Variants in MGAT4C observed in about 807,000 individuals in gnomAD.
MGAT4C encodes the protein MGAT4 family member C, also known as alpha-1,3-mannosyl-glycoprotein 4-beta-N-acetylglucosaminyltransferase C.
MGAT4C carries 19 observed loss-of-function variants against 40.1 expected under a neutral mutation model. That is an observed-to-expected ratio of 0.47 (90% CI 0.33 to 0.70). The LOEUF is 0.70. MGAT4C is among the 30% of genes least tolerant of loss of function. MGAT4C has a pLI of 0.02. For synonymous variants in MGAT4C, 181 were observed against 187.1 expected (o/e 0.97, Z 0.27); for missense variants, 491 against 563.2 (o/e 0.87, Z 1.30).
chr12:86,180,743 C>T (rs1174549535), intron 1 of MGAT4C, among the ~76,000 whole-genome samples: 3 of 152,144 alleles, frequency 2.0e-5, no homozygotes, highest in Non-Finnish European at 4.4e-5. Flanking sequence ...ATACCTGTAC[C>T]CCCATTGTAT....
chr12:86,124,507 T>C (rs2135692610), intron 1 of MGAT4C, among the ~76,000 whole-genome samples: 1 of 152,236 alleles, frequency 6.6e-6, no homozygotes, highest in East Asian at 1.9e-4. Context: ...TGTTTGTTGG[T>C]TGGTTTGGTA....
At chr12:86,604,878 C>A (rs1301688048) in intron 2 of MGAT4C, among the ~76,000 whole-genome samples, 1 of 152,088 alleles carries the variant, frequency 6.6e-6, no homozygotes, top group East Asian at 1.9e-4. Flanking sequence ...TCATAAGACT[C>A]TAGGGAGCAT....
At chr12:86,222,811 T>C (rs1163827075) in intron 1 of MGAT4C, among the ~76,000 whole-genome samples, 4 of 152,138 alleles carry the variant, frequency 2.6e-5, no homozygotes, top group African/African-American at 9.7e-5. Context: ...AATGTCAAGA[T>C]TAAATAAGCA....
intron 3 of MGAT4C, among the ~76,000 whole-genome samples, chr12:86,367,889 C>T (rs979495334): frequency 2.0e-5 from 3 of 152,150 alleles, no homozygotes; most frequent in Non-Finnish European, 4.4e-5. Flanking sequence ...GAGTGGGCTC[C>T]GACCTAACAT....
chr12:86,209,480 T>G (rs143563410), intron 1 of MGAT4C, among the ~76,000 whole-genome samples: 1 of 152,286 alleles, frequency 6.6e-6, no homozygotes, highest in African/African-American at 2.4e-5. Context: ...TCAATATGAT[T>G]CTTATATTGT....
intron 2 of MGAT4C, among the ~76,000 whole-genome samples, chr12:86,692,931 G>A (rs1950196486): frequency 6.6e-6 from 1 of 152,138 alleles, no homozygotes; most frequent in African/African-American, 2.4e-5. Context: ...ATGAAGTTGT[G>A]ATTCAGGCCC....
intron 1 of MGAT4C, among the ~76,000 whole-genome samples, chr12:86,136,801 C>A (rs1048742105): frequency 6.6e-6 from 1 of 152,170 alleles, no homozygotes; most frequent in East Asian, 1.9e-4. Context: ...TGATTTCCTG[C>A]CTCAGCCTCC....
chr12:86,363,974 A>ACTCTCTCTCTCTCTCTCT, intron 3 of MGAT4C, among the ~76,000 whole-genome samples: 1 of 22,596 alleles, frequency 4.4e-5, no homozygotes, highest in South Asian at 5.0e-3. Flanking sequence ...TCTCTCTCTC[A>ACTCTCTCTCTCTCTCTCT]CACACACACA....
intron 2 of MGAT4C, among the ~76,000 whole-genome samples, chr12:86,655,191 C>T (rs1963813165): frequency 6.6e-6 from 1 of 151,978 alleles, no homozygotes; most frequent in Non-Finnish European, 1.5e-5. Flanking sequence ...CCCCTGTCCC[C>T]CAGCCCCCAA....
chr12:86,743,624 A>G (rs1951107718), intron 1 of MGAT4C, among the ~76,000 whole-genome samples: 1 of 151,538 alleles, frequency 6.6e-6, no homozygotes, highest in Non-Finnish European at 1.5e-5. Flanking sequence ...AGAGGAAATA[A>G]TGAATACATT....
chr12:86,545,614 ATGTT>A (rs1959188965), intron 2 of MGAT4C, among the ~76,000 whole-genome samples: 1 of 151,970 alleles, frequency 6.6e-6, no homozygotes. Context: ...ATGTTTCTAA[ATGTT>A]TGTTTAGGAT....
rs1343194461 is a variant in MGAT4C at position 85,957,637 on chromosome 12, T to C, written c.*21652A>G. On this transcript the variant is annotated 3_prime_UTR_variant, in exon 5 of 5. Coordinates refer to ENST00000611864, the MANE Select transcript of MGAT4C (RefSeq NM_001351288.2). ...AATAAAACCACAGATTTTCTTTTAC[T>C]GTAGAGTTGAATAAGAAAGCAAAAA... The C allele has an allele frequency of 7.6e-6, 1 of 130,802 alleles. No individual in the cohort carries two copies. Among genetic ancestry groups the C allele is most frequent in the Non-Finnish European group, 1.6e-5 (1 of 62,848 alleles). The allele number at this position is 130,802 out of a possible 1,614,324, so 8.1% of individuals were successfully genotyped here.
chr12:86,073,070 T>C (rs1309260675), intron 1 of MGAT4C, among the ~76,000 whole-genome samples: 1 of 152,174 alleles, frequency 6.6e-6, no homozygotes, highest in African/African-American at 2.4e-5. Context: ...CCACATGTTA[T>C]GAGAGGGACC....
At chr12:86,705,917 A>T (rs1243718313) in intron 2 of MGAT4C, among the ~76,000 whole-genome samples, 1 of 152,170 alleles carries the variant, frequency 6.6e-6, no homozygotes, top group African/African-American at 2.4e-5. Flanking sequence ...ATTCCTTTTC[A>T]ATGTATGATG....
chr12:86,765,834 AC>A (rs1480552322), intron 1 of MGAT4C, among the ~76,000 whole-genome samples: 1 of 152,184 alleles, frequency 6.6e-6, no homozygotes, highest in Non-Finnish European at 1.5e-5. Context: ...TTTTGTCACC[AC>A]CAGGCCTGCC....
chr12:86,273,194 T>C (rs1384978382), intron 4 of MGAT4C, among the ~76,000 whole-genome samples: 3 of 152,148 alleles, frequency 2.0e-5, no homozygotes, highest in African/African-American at 7.2e-5. Flanking sequence ...ATTTTTGAGG[T>C]TAAATTACTG....
chr12:86,556,545 T>C (rs569500845), intron 2 of MGAT4C, among the ~76,000 whole-genome samples: 1 of 152,328 alleles, frequency 6.6e-6, no homozygotes, highest in African/African-American at 2.4e-5. Context: ...TCCCTTGACA[T>C]TACTAGATGG....
chr12:86,096,959 T>C (rs566849970), intron 1 of MGAT4C, among the ~76,000 whole-genome samples: 2 of 151,674 alleles, frequency 1.3e-5, no homozygotes, highest in South Asian at 2.1e-4. Context: ...TCATTTCTTT[T>C]GCTACTTTTC....
chr12:86,741,693 T>C (rs1003583552), intron 1 of MGAT4C, among the ~76,000 whole-genome samples: 2 of 151,380 alleles, frequency 1.3e-5, no homozygotes, highest in Non-Finnish European at 3.0e-5. Context: ...AGAAATTTCA[T>C]GCAAGAATAG....
Sources: gnomAD v4.1 joint callset for allele counts (sites outside exome capture counted in the v4.1 genomes callset) on GRCh38, gnomAD v4.1.1 for gene constraint, MANE v1.5 for transcripts, NCBI Gene and HGNC (gene_info 2026-07-23, HGNC 2026-07-21) for gene names.